Variants in DLGAP1 observed in about 807,000 individuals in gnomAD.
DLGAP1 encodes disks large-associated protein 1.
Under a neutral mutation model 90.8 loss-of-function variants are expected in DLGAP1, and 11 were observed. The observed-to-expected ratio is 0.12, with a 90% CI of 0.08 to 0.20. The LOEUF (loss-of-function observed/expected upper bound fraction) is 0.20, where lower values mean the gene tolerates loss of function less well. DLGAP1 is among the 10% of genes least tolerant of loss of function. DLGAP1 has a pLI of 1.00. For missense variants in DLGAP1, 1,050 were observed against 1,333.8 expected, an observed-to-expected ratio of 0.79 and a Z score of 3.31; for synonymous variants, 558 against 540.7, an observed-to-expected ratio of 1.03 and a Z score of -0.44.
chr18:4,160,021 G>A (rs2076818735), intron 1 of DLGAP1, among the ~76,000 whole-genome samples: 1 of 152,178 alleles, frequency 6.6e-6, no homozygotes, highest in Non-Finnish European at 1.5e-5. Flanking sequence ...AACAGAAAGT[G>A]CGTAATGACT....
At chr18:4,277,599 TC>T (rs2079445818) in intron 1 of DLGAP1, among the ~76,000 whole-genome samples, 1 of 152,198 alleles carries the variant, frequency 6.6e-6, no homozygotes, top group African/African-American at 2.4e-5. Flanking sequence ...ACTTTAAAGT[TC>T]CCTTTAATAT....
chr18:4,000,820 T>C (rs1304570178), intron 3 of DLGAP1, among the ~76,000 whole-genome samples: 2 of 152,244 alleles, frequency 1.3e-5, no homozygotes, highest in Non-Finnish European at 2.9e-5. Flanking sequence ...ATTGACTTTT[T>C]AACTAGTGCC....
intron 4 of DLGAP1, chr18:3,874,378 AAAATACACTGTTTGAAGGGATTTTTCTT>A: frequency 1.4e-6 from 2 of 1,473,272 alleles, no homozygotes; most frequent in Middle Eastern, 3.6e-4. Context: ...GAATGAATGC[AAAATACACTGTTTGAAGGGATTTTTCTT>A]TTAGGTTAAC....
chr18:3,542,082 T>A (rs1046649410), intron 9 of DLGAP1, among the ~76,000 whole-genome samples: 1 of 152,214 alleles, frequency 6.6e-6, no homozygotes, highest in Non-Finnish European at 1.5e-5. Flanking sequence ...GCCAGCATTT[T>A]TTCTCTTTCA....
chr18:4,116,945 TCA>T lies in DLGAP1; in HGVS notation c.-159+34233_-159+34234del, dbSNP rs1281707206. Among the ~76,000 whole-genome samples the T allele has an allele frequency of 1.6e-4, 25 of 152,320 alleles. 1 individual carries two copies. The South Asian group carries it at 4.6e-3, about 28-fold the overall frequency. On this transcript the variant is annotated intron_variant, in intron 2 of 12. Coordinates refer to ENST00000315677, the MANE Select transcript of DLGAP1 (RefSeq NM_004746.4). ...GGGATGAAGTGTTTCTCCCCAAAAT[TCA>T]CAGATTGAAGTCCTAACCTCCAATA...
intron 7 of DLGAP1, among the ~76,000 whole-genome samples, chr18:3,592,618 C>T (rs982766220): frequency 6.6e-6 from 1 of 151,912 alleles, no homozygotes; most frequent in Non-Finnish European, 1.5e-5. Context: ...GCATAAGGAT[C>T]GCTTTAGCCC....
chr18:4,003,392 AT>A (rs2074237192), intron 3 of DLGAP1, among the ~76,000 whole-genome samples: 1 of 145,622 alleles, frequency 6.9e-6, no homozygotes, highest in Non-Finnish European at 1.5e-5. Flanking sequence ...CAAGGATGTA[AT>A]TTCTTTTTGG....
At chr18:3,747,708 A>G (rs1183134387) in intron 5 of DLGAP1, among the ~76,000 whole-genome samples, 3 of 152,198 alleles carry the variant, frequency 2.0e-5, no homozygotes, top group Non-Finnish European at 2.9e-5. Flanking sequence ...CACTCTGGCC[A>G]CTCGTTATGA....
At position 3,879,303 on chromosome 18, in the gene DLGAP1, CGTT is replaced by C. The variant is rs763597386; in HGVS notation, c.763_765del (p.Asn255del). 6 of 1,596,754 alleles carry C rather than the reference CGTT, an allele frequency of 3.8e-6. No homozygotes were observed. The highest frequency in any genetic ancestry group is 4.3e-6 in the Non-Finnish European group (5 of 1,171,188). On this transcript the variant is annotated inframe_deletion, in exon 4 of 13. Transcript: ENST00000315677. The surrounding 1 kb of genome is among the most constrained non-coding windows in gnomAD (Gnocchi z 6.6). The stretch of plus-strand genomic sequence containing the variant: ...TTGGCGCAGGTGGAGCACTTGACGT[CGTT>C]GTTGCTCCGGGAGGCCTTCACCGCC...
intron 7 of DLGAP1, among the ~76,000 whole-genome samples, chr18:3,583,143 G>GACCTACCTACATACCTACCT (rs2055630811): frequency 2.6e-5 from 3 of 113,610 alleles, no homozygotes; most frequent in African/African-American, 8.6e-5. Context: ...CTGACTGACC[G>GACCTACCTACATACCTACCT]ACCTACCTAC....
chr18:4,210,480 T>G (rs144775073), intron 1 of DLGAP1, among the ~76,000 whole-genome samples: 1 of 152,262 alleles, frequency 6.6e-6, no homozygotes, highest in Non-Finnish European at 1.5e-5. Context: ...AATGCCTCAT[T>G]TATGCTGAGC....
Position 3,598,882 on chromosome 18 carries a change from T to C in DLGAP1, c.1592-16634A>G, listed in dbSNP as rs554625055. ...GCATGATCTTGGCTCACTGCAACCT[T>C]CTGCCTCAGCCTCCTGAGTACCTGA... is the stretch of plus-strand genomic sequence containing the variant. On this transcript the variant is annotated intron_variant, in intron 7 of 12. Transcript: ENST00000315677. Among the ~76,000 whole-genome samples the C allele has an allele frequency of 3.4e-3, 517 of 152,222 alleles. 1 individual carries two copies. The highest frequency in any genetic ancestry group is 6.8e-3 in the Middle Eastern group (2 of 294).
At chr18:4,160,720 G>A (rs2076830428) in intron 1 of DLGAP1, among the ~76,000 whole-genome samples, 1 of 152,134 alleles carries the variant, frequency 6.6e-6, no homozygotes, top group Non-Finnish European at 1.5e-5. Context: ...ACCTCTCAGT[G>A]TTTGCCTCAA....
At chr18:3,897,952 G>A (rs559817177) in intron 3 of DLGAP1, among the ~76,000 whole-genome samples, 9 of 151,314 alleles carry the variant, frequency 5.9e-5, no homozygotes, top group South Asian at 2.1e-4. Flanking sequence ...CCGCCACCGC[G>A]CCCGGCTAAT....
chr18:3,568,279 G>A (rs780195361), intron 8 of DLGAP1, among the ~76,000 whole-genome samples: 9 of 152,056 alleles, frequency 5.9e-5, no homozygotes, highest in Non-Finnish European at 1.3e-4. Context: ...GTTGACATTG[G>A]GAGATTTAGA....
chr18:4,424,794 G>T (rs1244504972), intron 1 of DLGAP1, among the ~76,000 whole-genome samples: 3 of 152,054 alleles, frequency 2.0e-5, no homozygotes, highest in Non-Finnish European at 2.9e-5. Context: ...AGAGGAAATT[G>T]CGAATACAAG....
chr18:3,709,053 T>C (rs1188961698), intron 7 of DLGAP1, among the ~76,000 whole-genome samples: 5 of 152,226 alleles, frequency 3.3e-5, no homozygotes, highest in African/African-American at 1.2e-4. Context: ...AAATATTTAC[T>C]GAGTATTTAT....
At chr18:4,268,890 AAAG>A (rs1307981875) in intron 1 of DLGAP1, among the ~76,000 whole-genome samples, 1 of 152,170 alleles carries the variant, frequency 6.6e-6, no homozygotes, top group Admixed American at 6.5e-5. Flanking sequence ...AGAGATCAGT[AAAG>A]AATAAGATCC....
intron 1 of DLGAP1, among the ~76,000 whole-genome samples, chr18:4,272,909 C>T (rs1256379863): frequency 6.6e-6 from 1 of 152,106 alleles, no homozygotes; most frequent in Admixed American, 6.6e-5. Flanking sequence ...ACAGAGAAAA[C>T]CTTGTGAAGG....
Sources: allele counts gnomAD v4.1 joint callset (sites outside exome capture counted in the v4.1 genomes callset), GRCh38; gene constraint gnomAD v4.1.1; non-coding constraint Gnocchi (gnomAD v3.1); transcripts MANE v1.5; gene names NCBI Gene and HGNC (gene_info 2026-07-23, HGNC 2026-07-21).